The following TAF1A variants were observed in gnomAD, a reference collection of about 807,000 sequenced individuals.
The protein encoded by TAF1A is TATA-box binding protein associated factor, RNA polymerase I subunit A.
Under a neutral mutation model 61.6 loss-of-function variants are expected in TAF1A, and 42 were observed. The observed-to-expected ratio is 0.68, with a 90% confidence interval of 0.53 to 0.88. The LOEUF (loss-of-function observed/expected upper bound fraction) is 0.88. Among genes scored for constraint, TAF1A ranks in the 40% least tolerant of loss-of-function variants. The probability of loss-of-function intolerance (pLI) is 0.00; values close to 1 mark genes in which losing one functional copy is unlikely to be tolerated. For synonymous variants in TAF1A, 179 were observed against 177.7 expected (o/e 1.01, Z -0.06); for missense variants, 424 against 518.7 (o/e 0.82, Z 1.77).
chr1:222,575,080 A>C (rs1660511974), intron 5 of TAF1A, among the ~76,000 whole-genome samples: 7 of 152,214 alleles, frequency 4.6e-5, no homozygotes, highest in Admixed American at 4.6e-4. Context: ...AAGTCTTTCA[A>C]AAATAGCTAT....
intron 7 of TAF1A, among the ~76,000 whole-genome samples, chr1:222,567,676 G>C (rs1477470917): frequency 6.6e-6 from 1 of 152,140 alleles, no homozygotes; most frequent in African/African-American, 2.4e-5. Context: ...CTGATCTATA[G>C]ATTCAAAATC....
At chr1:222,568,489 G>GA (rs71175169) in intron 7 of TAF1A, among the ~76,000 whole-genome samples, 121,767 of 152,086 alleles carry the variant, frequency 0.8, 49,367 homozygotes, top group Middle Eastern at 0.91. Flanking sequence ...GAAGATACAG[G>GA]ATGGCCAATA....
chr1:222,565,947 G>A (rs1660099629), intron 7 of TAF1A, among the ~76,000 whole-genome samples: 1 of 152,298 alleles, frequency 6.6e-6, no homozygotes, highest in East Asian at 1.9e-4. Flanking sequence ...ACATCTGAAG[G>A]TTTGATAATG....
At chr1:222,585,028 T>C (rs1268041862) in intron 2 of TAF1A, among the ~76,000 whole-genome samples, 1 of 152,198 alleles carries the variant, frequency 6.6e-6, no homozygotes, top group East Asian at 1.9e-4. Context: ...TTACATACTC[T>C]TTCCACAAGT....
intron 7 of TAF1A, chr1:222,568,971 G>C (rs1660231037): frequency 6.5e-6 from 1 of 154,882 alleles, no homozygotes; most frequent in African/African-American, 2.4e-5. Flanking sequence ...AGCAAGAGAA[G>C]CCAGATTAAA....
chr1:222,567,382 G>T (rs949041876), intron 7 of TAF1A, among the ~76,000 whole-genome samples: 4 of 152,128 alleles, frequency 2.6e-5, no homozygotes, highest in Admixed American at 2.6e-4. Flanking sequence ...GATGGTGGTT[G>T]CACAAAACTG....
intron 7 of TAF1A, chr1:222,569,148 G>A: frequency 4.2e-6 from 3 of 707,694 alleles, no homozygotes; most frequent in Non-Finnish European, 5.6e-6. Context: ...TCTATATCAT[G>A]ATTACCATGG....
At chr1:222,587,669 C>T (rs767161974) in intron 2 of TAF1A, among the ~76,000 whole-genome samples, 2 of 152,092 alleles carry the variant, frequency 1.3e-5, no homozygotes, top group Non-Finnish European at 2.9e-5. Flanking sequence ...GAAAAACATA[C>T]TTGCATTTAT....
Position 222,584,108 on chromosome 1 carries a change from C to A in TAF1A, c.291+20G>T. On this transcript the variant is annotated intron_variant, in intron 3 of 10. Transcript: ENST00000352967. ...TCTGGGAATCTATCATTTCTTCCAGCAAACTCAAATTTTATTTACCTCAGG... is the reference window on the plus strand; with the variant it reads ...TCTGGGAATCTATCATTTCTTCCAGAAAACTCAAATTTTATTTACCTCAGG... The A allele has an allele frequency of 6.2e-7, 1 of 1,601,636 alleles. No individual in the cohort carries two copies. Among genetic ancestry groups the A allele is most frequent in the African/African-American group, 1.3e-5 (1 of 74,194 alleles).
At chr1:222,588,617 T>A in intron 1 of TAF1A, 52 bp from the exon 2 acceptor site, 1 of 1,573,122 alleles carries the variant, frequency 6.4e-7, no homozygotes, top group Non-Finnish European at 8.6e-7. Context: ...ATCCACAGTC[T>A]TCTGAGTTGT....
chr1:222,569,837 CA>C (rs1339280647), intron 6 of TAF1A, among the ~76,000 whole-genome samples, 169 bp from the exon 7 acceptor site: 1 of 152,128 alleles, frequency 6.6e-6, no homozygotes, highest in Admixed American at 6.6e-5. Context: ...GCAGCAACCT[CA>C]ACATAAATTC....
chr1:222,588,212 CTCAG>C (rs1661097115), intron 2 of TAF1A, among the ~76,000 whole-genome samples: 1 of 152,176 alleles, frequency 6.6e-6, no homozygotes, highest in Admixed American at 6.5e-5. Context: ...GATAAAAGTG[CTCAG>C]TAAGTATTAC....
At chr1:222,577,363 T>C (rs1660611725) in intron 5 of TAF1A, 82 bp downstream of exon 5, 4 of 1,111,226 alleles carry the variant, frequency 3.6e-6, no homozygotes, top group East Asian at 2.4e-5. Context: ...ATGAAGTCAA[T>C]AGGGAAATTA....
At chr1:222,582,154 C>T (rs1660813200) in intron 3 of TAF1A, among the ~76,000 whole-genome samples, 1 of 152,158 alleles carries the variant, frequency 6.6e-6, no homozygotes, top group African/African-American at 2.4e-5. Context: ...TTCTGGTTTT[C>T]ACATTTTTGA....
At chr1:222,560,366 T>C (rs1410019131) in intron 10 of TAF1A, among the ~76,000 whole-genome samples, 3 of 152,206 alleles carry the variant, frequency 2.0e-5, no homozygotes, top group African/African-American at 7.2e-5. Flanking sequence ...GTTCACATGA[T>C]ACTTACAACA....
rs1272885270 is a variant in TAF1A at position 222,575,368 on chromosome 1, A to AT, written c.604+2076dup. Among the ~76,000 whole-genome samples, 458 of 151,692 alleles carry AT rather than the reference A, an allele frequency of 3.0e-3. 4 individuals are homozygous for AT. Among genetic ancestry groups the AT allele is most frequent in the African/African-American group, 0.01 (426 of 41,370 alleles). On this transcript the variant is annotated intron_variant, in intron 5 of 10. Transcript: ENST00000352967. Reference sequence around the variant, plus strand: ...AGACCCCATCTTCACAAAAAAAAAAATTGATGGTGCACACCTGTAGTCCCA... The same window carrying AT: ...AGACCCCATCTTCACAAAAAAAAAAATTTGATGGTGCACACCTGTAGTCCCA...
At chr1:222,568,175 C>T (rs1324350210) in intron 7 of TAF1A, among the ~76,000 whole-genome samples, 73 of 109,610 alleles carry the variant, frequency 6.7e-4, no homozygotes, top group Non-Finnish European at 1.3e-3. Context: ...CTATACAACA[C>T]ATCTAGAAAA....
At chr1:222,574,064 C>T (rs1412547531) in intron 5 of TAF1A, among the ~76,000 whole-genome samples, 2 of 151,714 alleles carry the variant, frequency 1.3e-5, no homozygotes, top group African/African-American at 4.8e-5. Flanking sequence ...CCAGAACAGG[C>T]AAATCTCTAG....
chr1:222,585,529 C>A (rs980835623), intron 2 of TAF1A, among the ~76,000 whole-genome samples: 3 of 151,772 alleles, frequency 2.0e-5, no homozygotes, highest in Non-Finnish European at 2.9e-5. Flanking sequence ...CTCACCATAG[C>A]CTAGACCTCC....
Sources: allele counts gnomAD v4.1 joint callset (sites outside exome capture counted in the v4.1 genomes callset), GRCh38; gene constraint gnomAD v4.1.1; transcripts MANE v1.5; gene names NCBI Gene and HGNC (gene_info 2026-07-23, HGNC 2026-07-21).